HS6ST3: variants seen among roughly 807,000 people sequenced by gnomAD.
HS6ST3 encodes the protein heparan-sulfate 6-O-sulfotransferase 3.
Under a neutral mutation model 36.7 loss-of-function variants are expected in HS6ST3, and 12 were observed. The ratio of observed to expected loss-of-function variants is 0.33; its 90% CI spans 0.21 to 0.53. The LOEUF is 0.53. Ranked by LOEUF, HS6ST3 falls within the 20% of genes least tolerant of loss-of-function variation. The pLI is 0.95. For missense variants in HS6ST3, 584 were observed against 640.9 expected, an observed-to-expected ratio of 0.91 and a Z score of 0.96; for synonymous variants, 240 against 257.5, an observed-to-expected ratio of 0.93 and a Z score of 0.65.
rs1186389263 is a variant in HS6ST3, at chr13:96,287,057, C to T, written c.707+195488C>T. 2.0e-5 allele frequency among the ~76,000 whole-genome samples: 3 copies of T among 152,164 alleles called. No individual in the cohort carries two copies. The East Asian group carries it at 5.8e-4, about 29-fold the overall frequency. ...CAGCAATGCCAGGGCACAGCCTCTCCTCTGGAGGTCCTTGGAAGACAAGAA... is the reference window on the plus strand; with the variant it reads ...CAGCAATGCCAGGGCACAGCCTCTCTTCTGGAGGTCCTTGGAAGACAAGAA... On this transcript the variant is annotated intron_variant, in intron 1 of 1. Transcript: ENST00000376705.
At chr13:96,589,163 C>CCACCAGGT (rs1378584905) in intron 1 of HS6ST3, among the ~76,000 whole-genome samples, 18 of 151,770 alleles carry the variant, frequency 1.2e-4, no homozygotes, top group African/African-American at 4.4e-4. Context: ...AGCAGTAAAG[C>CCACCAGGT]CACCAGGTCC....
intron 1 of HS6ST3, among the ~76,000 whole-genome samples, chr13:96,650,993 A>G (rs148195859): frequency 0.016 from 2,508 of 152,154 alleles, 28 homozygotes; most frequent in Non-Finnish European, 0.024. Context: ...CACCAGGTTC[A>G]TCTTCCAGAT....
chr13:96,409,218 A>G (rs1472714614), intron 1 of HS6ST3, among the ~76,000 whole-genome samples: 2 of 152,188 alleles, frequency 1.3e-5, no homozygotes, highest in Non-Finnish European at 1.5e-5. Flanking sequence ...CATGTGCAGG[A>G]TCAAATTTGT....
intron 1 of HS6ST3, among the ~76,000 whole-genome samples, chr13:96,427,883 G>A (rs1446257867): frequency 1.3e-5 from 2 of 152,220 alleles, no homozygotes; most frequent in East Asian, 3.9e-4. Context: ...GATCAGTTGT[G>A]TTCTAGAATA....
intron 1 of HS6ST3, chr13:96,573,943 G>A (rs2056310697): frequency 1.9e-6 from 1 of 533,882 alleles, no homozygotes; most frequent in Non-Finnish European, 3.8e-6. Flanking sequence ...CTGCACAGAT[G>A]TGCTGCTACT....
At chr13:96,584,029 C>T (rs1245806311) in intron 1 of HS6ST3, among the ~76,000 whole-genome samples, 2 of 152,116 alleles carry the variant, frequency 1.3e-5, no homozygotes, top group African/African-American at 4.8e-5. Context: ...AGCAAACAGC[C>T]CCCTTCCATT....
intron 1 of HS6ST3, among the ~76,000 whole-genome samples, chr13:96,102,371 A>G (rs1001232747): frequency 3.3e-5 from 5 of 152,086 alleles, no homozygotes; most frequent in Non-Finnish European, 7.4e-5. Context: ...AGTCCCAGCT[A>G]TTTGGGAGGC....
intron 1 of HS6ST3, among the ~76,000 whole-genome samples, chr13:96,601,217 C>G (rs560029872): frequency 1.2e-4 from 18 of 152,260 alleles, no homozygotes; most frequent in African/African-American, 4.3e-4. Context: ...AAATCTCTAG[C>G]AAGCCCAAGA....
intron 1 of HS6ST3, among the ~76,000 whole-genome samples, chr13:96,572,975 A>T (rs1288740161): frequency 6.6e-6 from 1 of 152,224 alleles, no homozygotes; most frequent in Non-Finnish European, 1.5e-5. Context: ...TTTATATTTC[A>T]TATGATAGTT....
At chr13:96,249,947 G>A (rs973171509) in intron 1 of HS6ST3, among the ~76,000 whole-genome samples, 4 of 152,132 alleles carry the variant, frequency 2.6e-5, no homozygotes, top group African/African-American at 9.7e-5. Flanking sequence ...GCACAGGAAC[G>A]AGGAGGTGTC....
chr13:96,797,611 T>C (rs1423369065), intron 1 of HS6ST3, among the ~76,000 whole-genome samples: 3 of 152,112 alleles, frequency 2.0e-5, no homozygotes, highest in African/African-American at 7.2e-5. Context: ...AATGAGGTTA[T>C]GGGAAACAGA....
chr13:96,430,989 G>C (rs183179782), intron 1 of HS6ST3, among the ~76,000 whole-genome samples: 9 of 152,114 alleles, frequency 5.9e-5, no homozygotes, highest in East Asian at 3.9e-4. Context: ...TGCGGGATTC[G>C]CTTGAGGACA....
At chr13:96,741,688 T>G (rs1271526338) in intron 1 of HS6ST3, among the ~76,000 whole-genome samples, 3 of 152,170 alleles carry the variant, frequency 2.0e-5, no homozygotes, top group African/African-American at 7.2e-5. Flanking sequence ...TAATACACCC[T>G]AAGGTTTGAG....
intron 1 of HS6ST3, among the ~76,000 whole-genome samples, chr13:96,600,950 C>A (rs2056419340): frequency 6.6e-6 from 1 of 152,156 alleles, no homozygotes; most frequent in Middle Eastern, 3.4e-3. Context: ...ATTCAAAATT[C>A]TTGGCTGGCG....
intron 1 of HS6ST3, among the ~76,000 whole-genome samples, chr13:96,290,331 G>A (rs1202988484): frequency 6.6e-6 from 1 of 152,102 alleles, no homozygotes; most frequent in Non-Finnish European, 1.5e-5. Flanking sequence ...GGTTCAATAG[G>A]CAGGTAATAT....
chr13:96,386,739 G>T (rs970183828), intron 1 of HS6ST3, among the ~76,000 whole-genome samples: 2 of 152,042 alleles, frequency 1.3e-5, no homozygotes, highest in Admixed American at 6.6e-5. Context: ...GGTGGGGCAT[G>T]CCTGTAATCC....
At chr13:96,331,190 A>G (rs2055064626) in intron 1 of HS6ST3, among the ~76,000 whole-genome samples, 1 of 152,214 alleles carries the variant, frequency 6.6e-6, no homozygotes, top group South Asian at 2.1e-4. Flanking sequence ...CGTCAAAGTC[A>G]TTCTCCCTCC....
At chr13:96,266,723 A>G (rs1299648666) in intron 1 of HS6ST3, among the ~76,000 whole-genome samples, 1 of 152,130 alleles carries the variant, frequency 6.6e-6, no homozygotes. Context: ...ACTATAGCTA[A>G]TATATTTGAC....
intron 1 of HS6ST3, among the ~76,000 whole-genome samples, chr13:96,122,811 T>A (rs558047532): frequency 1.3e-5 from 2 of 152,176 alleles, no homozygotes; most frequent in African/African-American, 4.8e-5. Context: ...AACAAACAAA[T>A]AGAAGGCTTC....
Sources: gnomAD v4.1 joint callset for allele counts (sites outside exome capture counted in the v4.1 genomes callset) on GRCh38, gnomAD v4.1.1 for gene constraint, MANE v1.5 for transcripts, NCBI Gene and HGNC (gene_info 2026-07-23, HGNC 2026-07-21) for gene names.